The following KCNIP4 variants were observed in gnomAD, a reference collection of about 807,000 sequenced individuals.
KCNIP4 encodes the protein Kv channel-interacting protein 4.
Under a neutral mutation model 34.0 loss-of-function variants are expected in KCNIP4, and 12 were observed. The ratio of observed to expected loss-of-function variants is 0.35; its 90% CI spans 0.23 to 0.57. The LOEUF (loss-of-function observed/expected upper bound fraction) is 0.57. Ranked by LOEUF, KCNIP4 falls within the 20% of genes least tolerant of loss-of-function variation. KCNIP4 has a pLI of 0.83. For missense variants in KCNIP4, 238 were observed against 311.7 expected (o/e 0.76, Z 1.78); for synonymous variants, 124 against 102.2 (o/e 1.21, Z -1.29).
intron 3 of KCNIP4, among the ~76,000 whole-genome samples, chr4:20,848,483 G>A (rs898560329): frequency 9.4e-6 from 1 of 106,318 alleles, no homozygotes; most frequent in Admixed American, 9.2e-5. Flanking sequence ...GGACATATGG[G>A]CAACAAAAAA....
intron 1 of KCNIP4, among the ~76,000 whole-genome samples, chr4:20,944,980 A>T (rs1732043635): frequency 6.6e-6 from 1 of 152,200 alleles, no homozygotes; most frequent in Non-Finnish European, 1.5e-5. Flanking sequence ...GTACCTGGGA[A>T]GAGAATCTTA....
At chr4:21,381,316 T>C (rs963133825) in intron 1 of KCNIP4, among the ~76,000 whole-genome samples, 4 of 152,130 alleles carry the variant, frequency 2.6e-5, no homozygotes, top group Admixed American at 6.6e-5. Flanking sequence ...CAGGACACAA[T>C]AGAGGGTTTT....
intron 1 of KCNIP4, among the ~76,000 whole-genome samples, chr4:21,420,142 A>T (rs938315239): frequency 1.3e-5 from 2 of 152,166 alleles, no homozygotes; most frequent in Non-Finnish European, 2.9e-5. Flanking sequence ...AAATGTCCTA[A>T]GTTCCACTGA....
At position 20,729,263 on chromosome 4, in the gene KCNIP4, T is replaced by TGTC. The variant is rs1747102962; in HGVS notation, c.*816_*818dup. On this transcript the variant is annotated 3_prime_UTR_variant, in exon 9 of 9. Coordinates refer to ENST00000382152, the MANE Select transcript of KCNIP4 (RefSeq NM_025221.6). ...GATAGATATCCTGACCCTTTGCATA[T>TGTC]GTCTGTAAACATCCTTGTTTTGTTT... The TGTC allele has an allele frequency of 6.6e-6, 1 of 152,066 alleles. No individual in the cohort carries two copies. Among genetic ancestry groups the TGTC allele is most frequent in the Non-Finnish European group, 1.5e-5 (1 of 67,988 alleles). 9.4% of individuals were successfully genotyped at this position (152,066 alleles called of 1,614,324 possible). A position where few individuals can be genotyped will look rare whatever the true frequency, so the allele number is the denominator to read the frequency against.
At chr4:20,756,910 A>G (rs906817885) in intron 4 of KCNIP4, among the ~76,000 whole-genome samples, 1 of 151,896 alleles carries the variant, frequency 6.6e-6, no homozygotes, top group Admixed American at 6.6e-5. Context: ...GCAACCTTTT[A>G]TAATTCCCCC....
chr4:21,768,316 C>G (rs35609084), intron 1 of KCNIP4, among the ~76,000 whole-genome samples: 75,034 of 151,856 alleles, frequency 0.49, 20,418 homozygotes, highest in Non-Finnish European at 0.63. Context: ...TCTGCTCTCT[C>G]TCTAAACAGT....
intron 1 of KCNIP4, among the ~76,000 whole-genome samples, chr4:21,004,400 C>T (rs1332381444): frequency 7.2e-5 from 11 of 152,168 alleles, no homozygotes; most frequent in Admixed American, 6.5e-4. Flanking sequence ...AAGAGGAATA[C>T]ATTGGGCCAA....
At chr4:21,071,220 C>T (rs1744886022) in intron 1 of KCNIP4, among the ~76,000 whole-genome samples, 1 of 152,128 alleles carries the variant, frequency 6.6e-6, no homozygotes, top group African/African-American at 2.4e-5. Context: ...AGTTTCATAG[C>T]ATTACGTTTT....
At chr4:21,150,947 T>C (rs946387278) in intron 1 of KCNIP4, among the ~76,000 whole-genome samples, 5 of 152,246 alleles carry the variant, frequency 3.3e-5, no homozygotes, top group African/African-American at 1.2e-4. Context: ...AACATTTAAG[T>C]TACATCTTTC....
rs557314277 is a variant in KCNIP4 at position 20,992,927 on chromosome 4, C to T, written c.62-110218G>A. Among the ~76,000 whole-genome samples, 34 of 145,852 alleles carry T rather than the reference C, an allele frequency of 2.3e-4. 1 individual carries two copies. In the East Asian group the frequency reaches 6.9e-3, roughly 30 times the overall value. ...CCTGTAATCCCAGCTACTCTGGAGGCTGAGGCAGGAGAATCACTTGAACCT... is the reference window on the plus strand; with the variant it reads ...CCTGTAATCCCAGCTACTCTGGAGGTTGAGGCAGGAGAATCACTTGAACCT... On this transcript the variant is annotated intron_variant, in intron 1 of 8. Transcript: ENST00000382152.
intron 3 of KCNIP4, among the ~76,000 whole-genome samples, chr4:20,830,872 A>C (rs1718345073): frequency 1.3e-5 from 2 of 152,220 alleles, no homozygotes; most frequent in African/African-American, 4.8e-5. Flanking sequence ...AAGATGCCTT[A>C]GAATTCCAGA....
At chr4:21,103,743 C>A (rs1466915557) in intron 1 of KCNIP4, among the ~76,000 whole-genome samples, 1 of 133,230 alleles carries the variant, frequency 7.5e-6, no homozygotes, top group African/African-American at 2.8e-5. Flanking sequence ...CCTCCCCCCA[C>A]CACACAACAG....
chr4:21,244,297 G>A (rs1208900178), intron 1 of KCNIP4, among the ~76,000 whole-genome samples: 1 of 152,082 alleles, frequency 6.6e-6, no homozygotes, highest in Non-Finnish European at 1.5e-5. Flanking sequence ...GCAAAGAAAT[G>A]GTTTCCTTTC....
intron 1 of KCNIP4, among the ~76,000 whole-genome samples, chr4:21,376,446 C>A (rs1560343821): frequency 6.6e-6 from 1 of 152,140 alleles, no homozygotes; most frequent in Non-Finnish European, 1.5e-5. Flanking sequence ...ATAGCCAGAT[C>A]TTTCAGTAAT....
intron 1 of KCNIP4, among the ~76,000 whole-genome samples, chr4:21,841,788 G>T (rs912481255): frequency 1.3e-5 from 2 of 152,084 alleles, no homozygotes; most frequent in African/African-American, 4.8e-5. Context: ...AAAAAAACAA[G>T]TAAGGATTAG....
chr4:21,407,762 A>C (rs530232109), intron 1 of KCNIP4, among the ~76,000 whole-genome samples: 1 of 152,334 alleles, frequency 6.6e-6, no homozygotes, highest in Admixed American at 6.5e-5. Flanking sequence ...TTAGTCAGAT[A>C]ATCTAATTTA....
In KCNIP4 at chr4:21,309,571, A is replaced by G. The variant is rs372074721; in HGVS notation, c.62-426862T>C. Among the ~76,000 whole-genome samples the G allele has an allele frequency of 2.9e-4, 44 of 152,328 alleles. No individual in the cohort carries two copies. In the South Asian group the frequency reaches 8.9e-3, roughly 31 times the overall value. ...GATAATAGCTCATGTGTGTAGAATA[A>G]TCACTATCTGAGAGACTAGCACACG... On this transcript the variant is annotated intron_variant, in intron 1 of 8. Coordinates refer to ENST00000382152, the MANE Select transcript of KCNIP4 (RefSeq NM_025221.6).
rs558163242 is a variant in KCNIP4, at chr4:20,886,833, T to G, written c.62-4124A>C. On this transcript the variant is annotated intron_variant, in intron 1 of 8. Transcript: ENST00000382152. ...GCTTCGAAACAATATTCAATATATT[T>G]TAAAAGAAGGCAACATGACCCAAAC... Among the ~76,000 whole-genome samples the G allele has an allele frequency of 2.0e-5, 3 of 152,296 alleles. No homozygotes were observed. The South Asian group carries it at 6.2e-4, about 32-fold the overall frequency.
chr4:20,880,657 A>G (rs1724584926), intron 2 of KCNIP4, among the ~76,000 whole-genome samples: 1 of 152,150 alleles, frequency 6.6e-6, no homozygotes, highest in African/African-American at 2.4e-5. Flanking sequence ...TGAAAGTTAC[A>G]TTTTACCTAT....
Sources: allele counts gnomAD v4.1 joint callset (sites outside exome capture counted in the v4.1 genomes callset), GRCh38; gene constraint gnomAD v4.1.1; transcripts MANE v1.5; gene names NCBI Gene and HGNC (gene_info 2026-07-23, HGNC 2026-07-21).